MORC3: variants seen among roughly 807,000 people sequenced by gnomAD.
MORC3 encodes MORC family CW-type zinc finger 3.
MORC3 carries 31 observed loss-of-function variants against 109.1 expected under a neutral mutation model. The ratio of observed to expected loss-of-function variants is 0.28; its 90% CI spans 0.21 to 0.38. The LOEUF (loss-of-function observed/expected upper bound fraction) is 0.38. Among genes scored for constraint, MORC3 ranks in the 10% least tolerant of loss-of-function variants. The pLI is 1.00. For synonymous variants in MORC3, 395 were observed against 380.7 expected (o/e 1.04, Z -0.44); for missense variants, 867 against 1,135.8 (o/e 0.76, Z 3.40).
chr21:36,323,845 C>G (rs2085218692), intron 1 of MORC3, among the ~76,000 whole-genome samples: 1 of 150,538 alleles, frequency 6.6e-6, no homozygotes, highest in South Asian at 2.1e-4. Flanking sequence ...GGGGGATTTC[C>G]TCTACTTATC....
In MORC3 at chr21:36,327,155, C is replaced by CTTTTTTTTTTTT. The variant is rs71326674; in HGVS notation, c.40-6475_40-6464dup. Among the ~76,000 whole-genome samples, 7 of 81,942 alleles carry CTTTTTTTTTTTT rather than the reference C, an allele frequency of 8.5e-5. 1 individual carries two copies. The highest frequency in any genetic ancestry group is 3.9e-4 in the African/African-American group (7 of 17,848). 53.8% of individuals were successfully genotyped at this position (81,942 alleles called of 152,430 possible). On this transcript the variant is annotated intron_variant, in intron 1 of 16. Transcript: ENST00000400485. The stretch of plus-strand genomic sequence containing the variant: ...TTAAAGATATTAATTGGCTTTATTT[C>CTTTTTTTTTTTT]TTTTTTTTTTTTTTTTTTTTTTTTT...
chr21:36,358,401 A>G (rs114617473), intron 10 of MORC3, among the ~76,000 whole-genome samples: 1,537 of 152,138 alleles, frequency 0.01, 18 homozygotes, highest in African/African-American at 0.035. Context: ...AAATAAATAA[A>G]ATGAAATAAA....
chr21:36,348,461 G>A (rs891733361), intron 8 of MORC3, among the ~76,000 whole-genome samples: 14 of 152,190 alleles, frequency 9.2e-5, no homozygotes, highest in African/African-American at 3.4e-4. Context: ...AGGCTGGAGT[G>A]CAATGGCACG....
In MORC3 at chr21:36,376,236, A is replaced by G. The variant is rs2085928220; in HGVS notation, c.*940A>G. ...CCTTAGGATTATAGTATTACATGCC[A>G]TAAAATACTATGCTTTATTGGTCCC... On this transcript the variant is annotated 3_prime_UTR_variant, in exon 17 of 17. Coordinates refer to ENST00000400485, the MANE Select transcript of MORC3 (RefSeq NM_015358.3). 6.6e-6 allele frequency: 1 copy of G among 152,656 alleles called. No homozygotes were observed. The highest frequency in any genetic ancestry group is 6.5e-5 in the Admixed American group (1 of 15,268). The allele number at this position is 152,656 out of a possible 1,614,324, so 9.5% of individuals were successfully genotyped here.
At chr21:36,337,669 T>G (rs1461287967) in intron 3 of MORC3, 63 bp from the exon 4 acceptor site, 13 of 1,021,046 alleles carry the variant, frequency 1.3e-5, no homozygotes, top group Non-Finnish European at 1.8e-5. Context: ...TTATAGGTAT[T>G]TATTTATTTA....
chr21:36,340,143 T>C (rs2085424499), intron 5 of MORC3, among the ~76,000 whole-genome samples: 1 of 152,042 alleles, frequency 6.6e-6, no homozygotes, highest in Non-Finnish European at 1.5e-5. Context: ...CTGGGCGCGG[T>C]GGCGGGCGCC....
intron 13 of MORC3, 88 bp from the exon 14 acceptor site, chr21:36,364,005 A>G: frequency 7.3e-7 from 1 of 1,376,674 alleles, no homozygotes; most frequent in African/African-American, 1.5e-5. Flanking sequence ...CTTCTGGGAT[A>G]AGGGGGAAGA....
rs113519654 is a variant in MORC3, at chr21:36,371,815, G to T, written c.2509-559G>T. On this transcript the variant is annotated intron_variant, in intron 15 of 16. Coordinates refer to ENST00000400485, the MANE Select transcript of MORC3 (RefSeq NM_015358.3). ...TGGTTTTTCTGTTTTGTTTTGTTTT[G>T]TTTTTTTTTTTTTTTGAGATGGAAC... is the stretch of plus-strand genomic sequence containing the variant. Among the ~76,000 whole-genome samples, 136 of 124,264 alleles carry T rather than the reference G, an allele frequency of 1.1e-3. 1 individual carries two copies. Among genetic ancestry groups the T allele is most frequent in the African/African-American group, 4.7e-3 (113 of 24,002 alleles). The allele number at this position is 124,264 out of a possible 152,430, so 81.5% of individuals were successfully genotyped here.
rs2085489474 is a variant in MORC3, at chr21:36,344,777, T to C, written c.885+70T>C. 3.8e-6 allele frequency: 6 copies of C among 1,591,794 alleles called. No homozygotes were observed. In the Admixed American group the frequency reaches 8.7e-5, roughly 23 times the overall value. On this transcript the variant is annotated intron_variant, in intron 7 of 16. Transcript: ENST00000400485. ...ATTCTCTTTTGCCCCTTTCCCCTTA[T>C]ATGCTGATAGGGATTCTAGTCTGCT...
chr21:36,320,807 C>G (rs894380713), intron 1 of MORC3: 1 of 155,370 alleles, frequency 6.4e-6, no homozygotes, highest in Non-Finnish European at 1.4e-5. Context: ...GTGCCTGCAG[C>G]TTCCTTGGCA....
chr21:36,327,948 C>T (rs1161423048), intron 1 of MORC3, among the ~76,000 whole-genome samples: 1 of 151,406 alleles, frequency 6.6e-6, no homozygotes, highest in Non-Finnish European at 1.5e-5. Flanking sequence ...ATGATCTTGG[C>T]TCACTGCAAC....
intron 13 of MORC3, among the ~76,000 whole-genome samples, 153 bp downstream of exon 13, chr21:36,362,381 A>G (rs1439820013): frequency 6.6e-6 from 1 of 151,434 alleles, no homozygotes; most frequent in Non-Finnish European, 1.5e-5. Context: ...TGTCTCTACT[A>G]AAAACACAAA....
chr21:36,352,296 A>G (rs1342884029), intron 9 of MORC3, among the ~76,000 whole-genome samples: 1 of 152,060 alleles, frequency 6.6e-6, no homozygotes, highest in Non-Finnish European at 1.5e-5. Context: ...AATGGGGAAC[A>G]ATTGATAGCT....
intron 9 of MORC3, among the ~76,000 whole-genome samples, chr21:36,352,597 C>T (rs554935348): frequency 2.0e-5 from 3 of 152,082 alleles, no homozygotes; most frequent in Non-Finnish European, 4.4e-5. Flanking sequence ...CTTTGGGTAT[C>T]ATGTTGGCAC....
At chr21:36,324,268 A>G (rs1383614491) in intron 1 of MORC3, among the ~76,000 whole-genome samples, 1 of 149,988 alleles carries the variant, frequency 6.7e-6, no homozygotes, top group African/African-American at 2.4e-5. Flanking sequence ...TGCTAGATAC[A>G]TTAACTGTAG....
intron 1 of MORC3, among the ~76,000 whole-genome samples, chr21:36,325,271 G>A (rs1178679825): frequency 1.3e-5 from 2 of 152,180 alleles, no homozygotes; most frequent in African/African-American, 4.8e-5. Flanking sequence ...AGAAAAGCCA[G>A]GCGGAATTGC....
At chr21:36,329,888 G>GT (rs2085295275) in intron 1 of MORC3, among the ~76,000 whole-genome samples, 1 of 151,320 alleles carries the variant, frequency 6.6e-6, no homozygotes, top group Admixed American at 6.6e-5. Context: ...TTGAGACGGA[G>GT]TTTCGCTCTT....
chr21:36,349,697 G>GT (rs1234416979), intron 9 of MORC3, among the ~76,000 whole-genome samples: 1 of 152,192 alleles, frequency 6.6e-6, no homozygotes, highest in Non-Finnish European at 1.5e-5. Context: ...CTTAAGAGAA[G>GT]TTATGCAAGT....
At chr21:36,362,815 T>G (rs1160536051) in intron 13 of MORC3, among the ~76,000 whole-genome samples, 2 of 152,154 alleles carry the variant, frequency 1.3e-5, no homozygotes, top group African/African-American at 2.4e-5. Flanking sequence ...CTTGCCCACC[T>G]TTCCAACTCT....
Sources: gnomAD v4.1 joint callset for allele counts (sites outside exome capture counted in the v4.1 genomes callset) on GRCh38, gnomAD v4.1.1 for gene constraint, MANE v1.5 for transcripts, NCBI Gene and HGNC (gene_info 2026-07-23, HGNC 2026-07-21) for gene names.